Variants in PDE4D observed in about 807,000 individuals in gnomAD.
The protein encoded by PDE4D is 3',5'-cyclic-AMP phosphodiesterase 4D.
In PDE4D, 24 loss-of-function variants were observed where a neutral mutation model predicts 87.4. The observed-to-expected ratio is 0.27, with a 90% CI of 0.20 to 0.39. The LOEUF is 0.39. PDE4D is among the 10% of genes least tolerant of loss of function. The pLI is 1.00. For missense variants in PDE4D, 714 were observed against 1,041.0 expected, an observed-to-expected ratio of 0.69 and a Z score of 4.32; for synonymous variants, 384 against 383.2, an observed-to-expected ratio of 1.00 and a Z score of -0.02.
At chr5:60,421,331 T>C (rs1743080964) in intron 1 of PDE4D, among the ~76,000 whole-genome samples, 1 of 152,144 alleles carries the variant, frequency 6.6e-6, no homozygotes. Context: ...AGCACGAAGC[T>C]TATGGAGGAA....
chr5:59,796,781 C>G (rs1766530233), intron 1 of PDE4D, among the ~76,000 whole-genome samples: 2 of 152,068 alleles, frequency 1.3e-5, no homozygotes, highest in African/African-American at 4.8e-5. Context: ...CATTTGAAAA[C>G]AGCATAATAT....
intron 3 of PDE4D, among the ~76,000 whole-genome samples, chr5:59,939,122 T>C (rs1199658745): frequency 2.0e-5 from 3 of 152,142 alleles, no homozygotes; most frequent in South Asian, 2.1e-4. Flanking sequence ...AGGTCTGTAA[T>C]AAAGATGAGG....
intron 1 of PDE4D, among the ~76,000 whole-genome samples, chr5:59,795,860 C>G (rs1766414953): frequency 6.6e-6 from 1 of 152,042 alleles, no homozygotes; most frequent in Non-Finnish European, 1.5e-5. Flanking sequence ...TTAGAGTGGG[C>G]CTTATCTGAT....
chr5:59,370,173 T>C (rs1481631420), intron 1 of PDE4D, among the ~76,000 whole-genome samples: 1 of 152,206 alleles, frequency 6.6e-6, no homozygotes, highest in African/African-American at 2.4e-5. Context: ...TTTTCCCTGC[T>C]TCTACTCTTG....
chr5:59,687,265 A>G (rs1158838205), intron 1 of PDE4D, among the ~76,000 whole-genome samples: 1 of 152,150 alleles, frequency 6.6e-6, no homozygotes, highest in Non-Finnish European at 1.5e-5. Context: ...CAACTCCAAG[A>G]CACATAATTT....
intron 1 of PDE4D, among the ~76,000 whole-genome samples, chr5:59,648,720 C>CAA (rs34222734): frequency 2.1e-4 from 30 of 140,714 alleles, no homozygotes; most frequent in Non-Finnish European, 4.0e-4. Context: ...CATCTAACCT[C>CAA]AAAAAAAAAA....
intron 1 of PDE4D, among the ~76,000 whole-genome samples, chr5:59,486,681 C>G (rs1805211239): frequency 6.6e-6 from 1 of 152,096 alleles, no homozygotes; most frequent in Non-Finnish European, 1.5e-5. Context: ...AGGAGTGGAG[C>G]TGAGGTTTAA....
chr5:60,474,810 C>T (rs1748181684), intron 1 of PDE4D, among the ~76,000 whole-genome samples: 1 of 152,098 alleles, frequency 6.6e-6, no homozygotes, highest in Admixed American at 6.5e-5. Flanking sequence ...GGAGCTCCTC[C>T]CCTTTCCAGA....
At chr5:60,230,404 T>A (rs372181578) in intron 1 of PDE4D, among the ~76,000 whole-genome samples, 10 of 152,114 alleles carry the variant, frequency 6.6e-5, no homozygotes, top group Admixed American at 2.6e-4. Flanking sequence ...GCAAATGTGA[T>A]GTCCTTTGCA....
intron 3 of PDE4D, among the ~76,000 whole-genome samples, chr5:59,915,971 T>G (rs1202193971): frequency 6.6e-6 from 1 of 152,114 alleles, no homozygotes; most frequent in Admixed American, 6.6e-5. Context: ...CAAAAGTAAT[T>G]TTTCCCCACA....
chr5:60,232,109 CAT>C (rs1228215404), intron 1 of PDE4D, among the ~76,000 whole-genome samples: 5 of 151,872 alleles, frequency 3.3e-5, no homozygotes, highest in Admixed American at 6.6e-5. Context: ...ACCACTATCA[CAT>C]GTTAGTGCTT....
intron 2 of PDE4D, among the ~76,000 whole-genome samples, chr5:60,074,068 T>G (rs1417328158): frequency 6.6e-6 from 1 of 152,112 alleles, no homozygotes; most frequent in Non-Finnish European, 1.5e-5. Context: ...TTCTGATAGT[T>G]TTGGGGTTGG....
chr5:60,044,532 A>C (rs1768961405), intron 2 of PDE4D, among the ~76,000 whole-genome samples: 1 of 151,336 alleles, frequency 6.6e-6, no homozygotes. Flanking sequence ...ACCCCACAAT[A>C]GTCCCCAGAG....
At chr5:60,022,185 T>G (rs1170442183) in intron 2 of PDE4D, among the ~76,000 whole-genome samples, 2 of 150,234 alleles carry the variant, frequency 1.3e-5, no homozygotes, top group East Asian at 2.0e-4. Context: ...GGTCATTTTT[T>G]GTAGCTTTAT....
intron 1 of PDE4D, among the ~76,000 whole-genome samples, chr5:59,865,757 C>A (rs1332931365): frequency 3.3e-5 from 5 of 152,076 alleles, no homozygotes; most frequent in Non-Finnish European, 7.4e-5. Flanking sequence ...TGAGTGCTGA[C>A]TTATATATTT....
chr5:59,749,293 C>A (rs1760084665), intron 1 of PDE4D, among the ~76,000 whole-genome samples: 3 of 152,092 alleles, frequency 2.0e-5, no homozygotes, highest in Admixed American at 1.3e-4. Context: ...CAGAGTCTTG[C>A]TCTGTCACCC....
intron 1 of PDE4D, among the ~76,000 whole-genome samples, chr5:59,676,875 T>G (rs1286351351): frequency 1.3e-5 from 2 of 152,070 alleles, no homozygotes; most frequent in Admixed American, 6.5e-5. Flanking sequence ...ACTTAATTCC[T>G]CCTATCTAGC....
chr5:59,263,202 T>A (rs571961103), intron 1 of PDE4D, among the ~76,000 whole-genome samples: 2 of 152,134 alleles, frequency 1.3e-5, no homozygotes, highest in South Asian at 4.1e-4. Flanking sequence ...CTACTTTCCA[T>A]GCAAAGGACA....
At chr5:59,274,072 T>G (rs543646164) in intron 1 of PDE4D, among the ~76,000 whole-genome samples, 1 of 152,282 alleles carries the variant, frequency 6.6e-6, no homozygotes, top group South Asian at 2.1e-4. Context: ...GTTGGTGATT[T>G]ATATTAGCTA....
Sources: gnomAD v4.1 joint callset for allele counts (sites outside exome capture counted in the v4.1 genomes callset) on GRCh38, gnomAD v4.1.1 for gene constraint, MANE v1.5 for transcripts, NCBI Gene and HGNC (gene_info 2026-07-23, HGNC 2026-07-21) for gene names.